The following GRID2 variants were observed in gnomAD, a reference collection of about 807,000 sequenced individuals.
GRID2 encodes the protein glutamate ionotropic receptor delta type subunit 2.
GRID2 carries 33 observed loss-of-function variants against 114.8 expected under a neutral mutation model. The observed-to-expected ratio is 0.29, with a 90% CI of 0.22 to 0.38. The LOEUF (loss-of-function observed/expected upper bound fraction) is 0.38, where lower values mean the gene tolerates loss of function less well. Among genes scored for constraint, GRID2 ranks in the 10% least tolerant of loss-of-function variants. The pLI is 1.00. For missense variants in GRID2, 1,184 were observed against 1,257.7 expected, an observed-to-expected ratio of 0.94 and a Z score of 0.89; for synonymous variants, 505 against 449.9, an observed-to-expected ratio of 1.12 and a Z score of -1.55.
At chr4:93,392,121 C>T (rs934857416) in intron 8 of GRID2, among the ~76,000 whole-genome samples, 1 of 152,112 alleles carries the variant, frequency 6.6e-6, no homozygotes, top group Admixed American at 6.6e-5. Context: ...GTGACTTTCT[C>T]TAAGTCTCAT....
intron 2 of GRID2, among the ~76,000 whole-genome samples, chr4:92,922,784 A>G (rs1749471761): frequency 6.6e-6 from 1 of 152,208 alleles, no homozygotes; most frequent in Non-Finnish European, 1.5e-5. Context: ...GCTGAATGAA[A>G]GAAGCCAGAA....
chr4:92,754,310 T>A (rs1220655482), intron 2 of GRID2, among the ~76,000 whole-genome samples: 1 of 152,114 alleles, frequency 6.6e-6, no homozygotes, highest in African/African-American at 2.4e-5. Context: ...GATCTTTACA[T>A]ACACCAAAAA....
chr4:92,659,180 G>A (rs1168513706), intron 2 of GRID2, among the ~76,000 whole-genome samples: 1 of 151,536 alleles, frequency 6.6e-6, no homozygotes, highest in Non-Finnish European at 1.5e-5. Flanking sequence ...AAGTAATATA[G>A]CATCTAAATC....
intron 1 of GRID2, among the ~76,000 whole-genome samples, chr4:92,565,658 C>T (rs574895281): frequency 1.1e-4 from 16 of 152,064 alleles, no homozygotes; most frequent in South Asian, 4.1e-4. Context: ...TAGTTCCTAA[C>T]GCAGCGGTAC....
rs113736144 is a variant in GRID2, at chr4:93,552,159, T to C, written c.2193+36748T>C. On this transcript the variant is annotated intron_variant, in intron 13 of 15. Coordinates refer to ENST00000282020, the MANE Select transcript of GRID2 (RefSeq NM_001510.4). ...GTTTTTTGTCCTTGTGATAGTTTGC[T>C]GAGAATGATGGTTTCCAGCTTCATC... Among the ~76,000 whole-genome samples, 1,001 of 151,974 alleles carry C rather than the reference T, an allele frequency of 6.6e-3. 12 individuals are homozygous for C. The highest frequency in any genetic ancestry group is 0.023 in the African/African-American group (964 of 41,424).
intron 14 of GRID2, among the ~76,000 whole-genome samples, chr4:93,752,485 C>G (rs530228535): frequency 4.9e-4 from 75 of 152,268 alleles, no homozygotes; most frequent in African/African-American, 1.7e-3. Context: ...CTTCTCCTGC[C>G]TCAGCCTCCT....
chr4:93,668,634 T>C (rs73839792), intron 14 of GRID2, among the ~76,000 whole-genome samples: 7,400 of 152,082 alleles, frequency 0.049, 229 homozygotes, highest in African/African-American at 0.089. Context: ...ACAATTTGTG[T>C]GTGCTAATTG....
intron 1 of GRID2, among the ~76,000 whole-genome samples, chr4:92,494,773 TA>T: frequency 6.6e-6 from 1 of 152,140 alleles, no homozygotes; most frequent in Non-Finnish European, 1.5e-5. Flanking sequence ...CTAATTTTAC[TA>T]AAAAAGGGGC....
chr4:92,474,983 G>A, intron 1 of GRID2, among the ~76,000 whole-genome samples: 1 of 131,568 alleles, frequency 7.6e-6, no homozygotes, highest in Admixed American at 7.9e-5. Flanking sequence ...GGGGGTGGAG[G>A]GGGGAGGGAT....
intron 2 of GRID2, among the ~76,000 whole-genome samples, chr4:92,862,880 T>A (rs1744623525): frequency 6.6e-6 from 1 of 152,034 alleles, no homozygotes; most frequent in African/African-American, 2.4e-5. Context: ...ACTGCTTTGG[T>A]AGAAAATCAT....
intron 2 of GRID2, among the ~76,000 whole-genome samples, chr4:92,693,518 A>T (rs1044332125): frequency 1.3e-5 from 2 of 152,234 alleles, no homozygotes; most frequent in Non-Finnish European, 2.9e-5. Flanking sequence ...ACTGCTTTGC[A>T]GTTTGTCACA....
At chr4:93,050,005 C>T (rs1726539665) in intron 2 of GRID2, among the ~76,000 whole-genome samples, 1 of 151,996 alleles carries the variant, frequency 6.6e-6, no homozygotes, top group South Asian at 2.1e-4. Flanking sequence ...GAGCATTCTT[C>T]CTGAAGGTAC....
chr4:93,717,791 AT>A (rs1729024527), intron 14 of GRID2, among the ~76,000 whole-genome samples: 1 of 152,178 alleles, frequency 6.6e-6, no homozygotes, highest in Non-Finnish European at 1.5e-5. Flanking sequence ...TTAAAAGCTT[AT>A]TTTTTACTGT....
intron 14 of GRID2, among the ~76,000 whole-genome samples, chr4:93,684,321 C>T (rs1725879667): frequency 6.6e-6 from 1 of 152,052 alleles, no homozygotes; most frequent in Admixed American, 6.6e-5. Flanking sequence ...TTGAAGATTA[C>T]ATTATTAATC....
intron 2 of GRID2, among the ~76,000 whole-genome samples, chr4:92,972,107 T>G (rs1753556331): frequency 6.6e-6 from 1 of 152,160 alleles, no homozygotes; most frequent in South Asian, 2.1e-4. Flanking sequence ...TTTTTTTTTC[T>G]CAGAAACTTC....
chr4:93,603,438 C>T (rs190880769), intron 13 of GRID2, among the ~76,000 whole-genome samples: 11 of 152,148 alleles, frequency 7.2e-5, no homozygotes, highest in African/African-American at 2.6e-4. Flanking sequence ...TTGGTTCTTG[C>T]GGTTTAAGGA....
At chr4:92,583,350 C>T (rs1728269318) in intron 1 of GRID2, among the ~76,000 whole-genome samples, 1 of 58,400 alleles carries the variant, frequency 1.7e-5, no homozygotes, top group South Asian at 6.4e-4. Flanking sequence ...ATAATATTTG[C>T]TAATTGTCAT....
chr4:93,710,959 C>G (rs1388606054), intron 14 of GRID2, among the ~76,000 whole-genome samples: 1 of 151,822 alleles, frequency 6.6e-6, no homozygotes, highest in African/African-American at 2.4e-5. Flanking sequence ...CTTGCCAGGA[C>G]TGAATCTCCC....
At chr4:92,600,373 C>T (rs1729168330) in intron 2 of GRID2, among the ~76,000 whole-genome samples, 1 of 151,756 alleles carries the variant, frequency 6.6e-6, no homozygotes, top group Non-Finnish European at 1.5e-5. Context: ...CACATTCTTA[C>T]AGGTCAAGGG....
Sources: gnomAD v4.1 joint callset for allele counts (sites outside exome capture counted in the v4.1 genomes callset) on GRCh38, gnomAD v4.1.1 for gene constraint, MANE v1.5 for transcripts, NCBI Gene and HGNC (gene_info 2026-07-23, HGNC 2026-07-21) for gene names.